The following ATG10 variants were observed in gnomAD, a reference collection of about 807,000 sequenced individuals.
The protein encoded by ATG10 is autophagy related 10.
ATG10 carries 30 observed loss-of-function variants against 32.1 expected under a neutral mutation model. The ratio of observed to expected loss-of-function variants is 0.94; its 90% CI spans 0.70 to 1.27. The LOEUF (loss-of-function observed/expected upper bound fraction) is 1.27. Ranked by LOEUF, ATG10 falls within the 50% of genes most tolerant of loss-of-function variation. The probability of loss-of-function intolerance (pLI) is 0.00; values close to 1 mark genes in which losing one functional copy is unlikely to be tolerated. For synonymous variants in ATG10, 87 were observed against 91.5 expected (o/e 0.95, Z 0.28); for missense variants, 233 against 262.3 (o/e 0.89, Z 0.77).
intron 2 of ATG10, among the ~76,000 whole-genome samples, chr5:82,024,663 C>CATTATGTATT (rs1762544632): frequency 6.6e-6 from 1 of 152,080 alleles, no homozygotes; most frequent in African/African-American, 2.4e-5. Flanking sequence ...TATAACATAA[C>CATTATGTATT]ATTATGTATT....
chr5:82,042,520 T>C (rs1561269632), intron 2 of ATG10, among the ~76,000 whole-genome samples: 1 of 152,212 alleles, frequency 6.6e-6, no homozygotes, highest in Non-Finnish European at 1.5e-5. Context: ...CCCCAAGTCT[T>C]AATTCATTTC....
At chr5:82,052,302 C>T (rs1049368158) in intron 2 of ATG10, among the ~76,000 whole-genome samples, 2 of 152,140 alleles carry the variant, frequency 1.3e-5, no homozygotes, top group Non-Finnish European at 2.9e-5. Flanking sequence ...CATAACATAG[C>T]TTGCTGGGTG....
chr5:82,023,789 T>TC (rs575381270), intron 2 of ATG10, among the ~76,000 whole-genome samples: 85 of 152,362 alleles, frequency 5.6e-4, no homozygotes, highest in African/African-American at 1.7e-3. Context: ...TTTTGCTACT[T>TC]TTCAGCATGT....
Position 82,254,561 on chromosome 5 carries a change from G to GAAAAAAAAAAAAAA in ATG10, c.*498_*499insAAAAAAAAAAAAAA, listed in dbSNP as rs1484582831. On this transcript the variant is annotated 3_prime_UTR_variant, in exon 8 of 8. Transcript: ENST00000282185. The stretch of plus-strand genomic sequence containing the variant: ...GTGACAGAGCCAGACACTGTCTCGG[G>GAAAAAAAAAAAAAA]GAAAAAAAAAAAAAAAAAAAGACAC... 8.3e-6 allele frequency: 1 copy of GAAAAAAAAAAAAAA among 120,782 alleles called. No homozygotes were observed. The highest frequency in any genetic ancestry group is 8.5e-5 in the Admixed American group (1 of 11,760). The allele number at this position is 120,782 out of a possible 1,614,324, so 7.5% of individuals were successfully genotyped here. A position where few individuals can be genotyped will look rare whatever the true frequency, so the allele number is the denominator to read the frequency against.
chr5:82,003,604 T>A (rs1383954660), intron 2 of ATG10, among the ~76,000 whole-genome samples: 1 of 152,210 alleles, frequency 6.6e-6, no homozygotes, highest in Admixed American at 6.5e-5. Flanking sequence ...TTGAAACACA[T>A]GTATCTTAAA....
intron 3 of ATG10, among the ~76,000 whole-genome samples, chr5:82,089,349 A>T (rs867698154): frequency 2.5e-4 from 38 of 152,272 alleles, no homozygotes; most frequent in South Asian, 6.2e-4. Flanking sequence ...TCTCAAAAAA[A>T]AAAAAGATTG....
At chr5:82,076,210 C>T (rs541592339) in intron 3 of ATG10, among the ~76,000 whole-genome samples, 5 of 152,244 alleles carry the variant, frequency 3.3e-5, no homozygotes, top group African/African-American at 9.6e-5. Context: ...AGGCATAAAA[C>T]ACTAGGAAAT....
chr5:82,004,710 C>T (rs750294316), intron 2 of ATG10, among the ~76,000 whole-genome samples: 18 of 152,162 alleles, frequency 1.2e-4, no homozygotes, highest in Non-Finnish European at 2.4e-4. Flanking sequence ...GTGAGTCTGA[C>T]GACTGCCAGC....
rs548551867 is a variant in ATG10, at chr5:82,001,265, T to A, written c.108+13587T>A. Among the ~76,000 whole-genome samples, 4 of 152,190 alleles carry A rather than the reference T, an allele frequency of 2.6e-5. No homozygotes were observed. The East Asian group carries it at 7.7e-4, about 29-fold the overall frequency. On this transcript the variant is annotated intron_variant, in intron 2 of 7. Coordinates refer to ENST00000282185, the MANE Select transcript of ATG10 (RefSeq NM_031482.5). ...TCAGTCTACTATCTTCCTATCAATC[T>A]ACAATGACATTCTTCAGAGAATTAG...
chr5:82,143,219 A>T (rs1408444815), intron 3 of ATG10, among the ~76,000 whole-genome samples: 1 of 152,262 alleles, frequency 6.6e-6, no homozygotes, highest in Non-Finnish European at 1.5e-5. Context: ...TAGAACATCT[A>T]TGCCAAAGTT....
At chr5:82,117,190 A>G (rs114733762) in intron 3 of ATG10, among the ~76,000 whole-genome samples, 1 of 152,240 alleles carries the variant, frequency 6.6e-6, no homozygotes, top group African/African-American at 2.4e-5. Context: ...GGAAGTAATT[A>G]TGATTGAGCA....
chr5:82,076,534 G>T (rs528446300), intron 3 of ATG10, among the ~76,000 whole-genome samples: 1 of 152,276 alleles, frequency 6.6e-6, no homozygotes, highest in Admixed American at 6.5e-5. Flanking sequence ...TGGCCATGTA[G>T]TTCTTGTGTT....
At position 82,255,357 on chromosome 5, in the gene ATG10, A is replaced by G. The variant is rs1356441771; in HGVS notation, c.*1294A>G. 6.6e-6 allele frequency: 1 copy of G among 152,246 alleles called. No homozygotes were observed. Among genetic ancestry groups the G allele is most frequent in the Non-Finnish European group, 1.5e-5 (1 of 68,054 alleles). The allele number at this position is 152,246 out of a possible 1,614,324, so 9.4% of individuals were successfully genotyped here. A position where few individuals can be genotyped will look rare whatever the true frequency, so the allele number is the denominator to read the frequency against. On this transcript the variant is annotated 3_prime_UTR_variant, in exon 8 of 8. Transcript: ENST00000282185. Reference sequence around the variant, plus strand: ...CACTAAGGCTGTAAATAAGTTTCATAGCCAGTTAAGTATTAAGATAAACCT... The same window carrying G: ...CACTAAGGCTGTAAATAAGTTTCATGGCCAGTTAAGTATTAAGATAAACCT...
chr5:81,995,224 A>G (rs1761624908), intron 2 of ATG10, among the ~76,000 whole-genome samples: 1 of 152,098 alleles, frequency 6.6e-6, no homozygotes, highest in Non-Finnish European at 1.5e-5. Context: ...TCCGGCTCCC[A>G]GGTTCAAGTG....
At chr5:82,102,523 G>A (rs897440865) in intron 3 of ATG10, among the ~76,000 whole-genome samples, 5 of 152,052 alleles carry the variant, frequency 3.3e-5, no homozygotes, top group African/African-American at 1.2e-4. Context: ...AAAATCTATT[G>A]TTTGCCAAAT....
intron 1 of ATG10, among the ~76,000 whole-genome samples, chr5:81,976,739 T>G (rs979991737): frequency 1.3e-5 from 2 of 152,208 alleles, no homozygotes; most frequent in Non-Finnish European, 2.9e-5. Context: ...ATGCCTAGTG[T>G]TCCATTATTG....
At chr5:82,252,777 CA>C (rs1581852787) in intron 6 of ATG10, 118 bp downstream of exon 6, 2 of 649,778 alleles carry the variant, frequency 3.1e-6, no homozygotes, top group Non-Finnish European at 5.2e-6. Context: ...ATGGCTAACA[CA>C]ATGATTTTTA....
chr5:82,184,424 A>G (rs993921641), intron 5 of ATG10, among the ~76,000 whole-genome samples: 6 of 152,162 alleles, frequency 3.9e-5, no homozygotes, highest in African/African-American at 1.4e-4. Flanking sequence ...AGATTAAGCT[A>G]TGCCAAATTT....
At chr5:82,230,016 T>TA (rs983214466) in intron 5 of ATG10, among the ~76,000 whole-genome samples, 1 of 152,240 alleles carries the variant, frequency 6.6e-6, no homozygotes, top group African/African-American at 2.4e-5. Flanking sequence ...TCCAAGGACA[T>TA]AATGTGGTTA....
Sources: allele counts gnomAD v4.1 joint callset (sites outside exome capture counted in the v4.1 genomes callset), GRCh38; gene constraint gnomAD v4.1.1; transcripts MANE v1.5; gene names NCBI Gene and HGNC (gene_info 2026-07-23, HGNC 2026-07-21).